Variants in KCNJ6 observed in about 807,000 individuals in gnomAD.
KCNJ6 encodes G protein-activated inward rectifier potassium channel 2.
A neutral mutation model predicts 34.2 loss-of-function variants in KCNJ6; 9 were observed. That is an observed-to-expected ratio of 0.26 (90% CI 0.16 to 0.46). The LOEUF (loss-of-function observed/expected upper bound fraction) is 0.46, where lower values mean the gene tolerates loss of function less well. KCNJ6 is among the 20% of genes least tolerant of loss of function. The probability of loss-of-function intolerance (pLI) is 1.00; values close to 1 mark genes in which losing one functional copy is unlikely to be tolerated. For missense variants in KCNJ6, 236 were observed against 531.3 expected (o/e 0.44, Z 5.46); for synonymous variants, 196 against 207.1 (o/e 0.95, Z 0.46).
At chr21:37,739,430 A>AG (rs982679172) in intron 2 of KCNJ6, among the ~76,000 whole-genome samples, 1 of 152,168 alleles carries the variant, frequency 6.6e-6, no homozygotes, top group East Asian at 1.9e-4. Flanking sequence ...GCTGCTTATT[A>AG]GGGGGGTTTA....
At position 37,613,759 on chromosome 21, in the gene KCNJ6, G is replaced by A. The variant is rs2054251072; in HGVS notation, c.*11400C>T. On this transcript the variant is annotated 3_prime_UTR_variant, in exon 4 of 4. Coordinates refer to ENST00000609713, the MANE Select transcript of KCNJ6 (RefSeq NM_002240.5). ...ATAGATCAGTGGTTGCCAGGGGTTG[G>A]GAGGACACAAGATGAATTGGGAGAG... 6.6e-6 allele frequency: 1 copy of A among 152,266 alleles called. No individual in the cohort carries two copies. The highest frequency in any genetic ancestry group is 6.5e-5 in the Admixed American group (1 of 15,282). The allele number at this position is 152,266 out of a possible 1,614,324, so 9.4% of individuals were successfully genotyped here.
At position 37,715,217 on chromosome 21, in the gene KCNJ6, G is replaced by C. The variant is rs2054784118; in HGVS notation, c.26-86C>G. 4.3e-6 allele frequency: 5 copies of C among 1,159,782 alleles called. No homozygotes were observed. In the East Asian group the frequency reaches 1.3e-4, roughly 29 times the overall value. The allele number at this position is 1,159,782 out of a possible 1,614,324, so 71.8% of individuals were successfully genotyped here. On this transcript the variant is annotated intron_variant, in intron 2 of 3. Transcript: ENST00000609713. ...GGAACGGCACACTTTGTATGGGCTG[G>C]TGAAACCAAATACCATTTGTGTAGC...
At chr21:37,642,672 G>A (rs569189306) in intron 3 of KCNJ6, among the ~76,000 whole-genome samples, 1 of 149,354 alleles carries the variant, frequency 6.7e-6, no homozygotes, top group African/African-American at 2.5e-5. Context: ...GTGAGCATCC[G>A]ACCATGTTTA....
At chr21:37,646,906 C>T (rs557407432) in intron 3 of KCNJ6, among the ~76,000 whole-genome samples, 2 of 152,236 alleles carry the variant, frequency 1.3e-5, no homozygotes, top group East Asian at 1.9e-4. Context: ...ATCTCCTGAC[C>T]TCGTGATCCG....
At chr21:37,848,747 G>A (rs1454345345) in intron 1 of KCNJ6, among the ~76,000 whole-genome samples, 1 of 152,182 alleles carries the variant, frequency 6.6e-6, no homozygotes, top group Non-Finnish European at 1.5e-5. Flanking sequence ...GTACTTTCTT[G>A]AAAGCATGTT....
chr21:37,821,303 T>C (rs2055372073), intron 2 of KCNJ6, among the ~76,000 whole-genome samples: 1 of 152,194 alleles, frequency 6.6e-6, no homozygotes, highest in African/African-American at 2.4e-5. Context: ...CTCCATCTAG[T>C]TCCCATTTTC....
At chr21:37,765,904 AATT>A (rs1380841168) in intron 2 of KCNJ6, among the ~76,000 whole-genome samples, 3 of 152,190 alleles carry the variant, frequency 2.0e-5, no homozygotes, top group Non-Finnish European at 2.9e-5. Flanking sequence ...TTTATAATAA[AATT>A]ATTATGCATA....
chr21:37,631,537 C>A (rs1025207584), intron 3 of KCNJ6, among the ~76,000 whole-genome samples: 1 of 150,512 alleles, frequency 6.6e-6, no homozygotes, highest in African/African-American at 2.4e-5. Context: ...CAAAATGAAA[C>A]CACCTGAAGA....
chr21:37,818,385 A>G (rs1247919708), intron 2 of KCNJ6, among the ~76,000 whole-genome samples: 1 of 152,186 alleles, frequency 6.6e-6, no homozygotes, highest in Non-Finnish European at 1.5e-5. Flanking sequence ...GGCAGGGACT[A>G]ATGAGGCAAC....
intron 3 of KCNJ6, among the ~76,000 whole-genome samples, chr21:37,631,942 C>T (rs2054335581): frequency 6.6e-6 from 1 of 152,116 alleles, no homozygotes; most frequent in East Asian, 1.9e-4. Context: ...AGGGGAATTC[C>T]AGGGACCAGA....
intron 2 of KCNJ6, among the ~76,000 whole-genome samples, chr21:37,759,547 G>A (rs551278582): frequency 7.2e-5 from 11 of 152,198 alleles, no homozygotes; most frequent in African/African-American, 1.9e-4. Context: ...TGCCTGGCAC[G>A]CTCATCCCCG....
chr21:37,754,335 C>T (rs1002330621), intron 2 of KCNJ6, among the ~76,000 whole-genome samples: 4 of 152,140 alleles, frequency 2.6e-5, no homozygotes, highest in African/African-American at 9.7e-5. Flanking sequence ...TCTAAGAAAC[C>T]ATGAGATTTC....
At chr21:37,645,844 G>C (rs1293284518) in intron 3 of KCNJ6, among the ~76,000 whole-genome samples, 1 of 152,110 alleles carries the variant, frequency 6.6e-6, no homozygotes, top group Non-Finnish European at 1.5e-5. Context: ...GCTGTCTCAA[G>C]AGGTCCAGAG....
At chr21:37,818,673 T>A (rs554109964) in intron 2 of KCNJ6, among the ~76,000 whole-genome samples, 2 of 152,358 alleles carry the variant, frequency 1.3e-5, no homozygotes, top group Non-Finnish European at 2.9e-5. Context: ...ATAATGCGTT[T>A]TATCTTGTTA....
intron 2 of KCNJ6, among the ~76,000 whole-genome samples, chr21:37,764,016 A>G (rs2055078912): frequency 6.6e-6 from 1 of 151,834 alleles, no homozygotes; most frequent in South Asian, 2.1e-4. Flanking sequence ...CTCAAAGGCC[A>G]TGTTTGTCTA....
intron 3 of KCNJ6, among the ~76,000 whole-genome samples, chr21:37,626,318 G>C (rs1195688618): frequency 6.6e-6 from 1 of 152,066 alleles, no homozygotes; most frequent in Non-Finnish European, 1.5e-5. Context: ...TATTTTAGTA[G>C]AGACGGAGTT....
chr21:37,628,060 G>A (rs2054318825), intron 3 of KCNJ6, among the ~76,000 whole-genome samples: 1 of 152,276 alleles, frequency 6.6e-6, no homozygotes, highest in South Asian at 2.1e-4. Flanking sequence ...GAAAAGGAGG[G>A]AGAATCTGAT....
intron 2 of KCNJ6, among the ~76,000 whole-genome samples, chr21:37,818,197 T>TGTGTGTGC (rs1336642271): frequency 4.6e-5 from 2 of 43,038 alleles, no homozygotes; most frequent in Non-Finnish European, 7.6e-5. Context: ...AAAGTGCGTG[T>TGTGTGTGC]GTGTGTGTGC....
chr21:37,655,222 TGTGAGAGAGAGAGAGAGA>T (rs2054456101), intron 3 of KCNJ6, among the ~76,000 whole-genome samples: 1 of 8,246 alleles, frequency 1.2e-4, no homozygotes, highest in Non-Finnish European at 6.1e-4. Flanking sequence ...TGTGTGTGTG[TGTGAGAGAGAGAGAGAGA>T]GAGAGAGAGA....
Sources: gnomAD v4.1 joint callset for allele counts (sites outside exome capture counted in the v4.1 genomes callset) on GRCh38, gnomAD v4.1.1 for gene constraint, MANE v1.5 for transcripts, NCBI Gene and HGNC (gene_info 2026-07-23, HGNC 2026-07-21) for gene names.